PLPPR1: variants seen among roughly 807,000 people sequenced by gnomAD.
PLPPR1 encodes the protein phospholipid phosphatase related 1.
In PLPPR1, 10 loss-of-function variants were observed where a neutral mutation model predicts 33.1. That is an observed-to-expected ratio of 0.30 (90% CI 0.19 to 0.51). The LOEUF is 0.51. Among genes scored for constraint, PLPPR1 ranks in the 20% least tolerant of loss-of-function variants. PLPPR1 has a pLI of 0.97. For synonymous variants in PLPPR1, 151 were observed against 151.0 expected (o/e 1.00, Z 0.00); for missense variants, 304 against 408.1 (o/e 0.74, Z 2.20).
chr9:101,224,467 A>G lies in PLPPR1; in HGVS notation c.63+38910A>G, dbSNP rs906760564. Among the ~76,000 whole-genome samples, 5 of 152,172 alleles carry G rather than the reference A, an allele frequency of 3.3e-5. No individual in the cohort carries two copies. In the South Asian group the frequency reaches 1.0e-3, roughly 32 times the overall value. On this transcript the variant is annotated intron_variant, in intron 2 of 7. Transcript: ENST00000374874. ...CGGCTGCTGTCATTGAGTCTTTCAC[A>G]GAGTGTTTTATTCCTTCCTTATAAA...
chr9:101,080,819 T>C (rs895484598), intron 1 of PLPPR1, among the ~76,000 whole-genome samples: 4 of 152,160 alleles, frequency 2.6e-5, no homozygotes, highest in African/African-American at 9.7e-5. Flanking sequence ...TTCCTGAGAA[T>C]AGAGCTCCAG....
chr9:101,310,238 C>T (rs1346232980), intron 5 of PLPPR1, among the ~76,000 whole-genome samples: 1 of 152,102 alleles, frequency 6.6e-6, no homozygotes, highest in African/African-American at 2.4e-5. Flanking sequence ...TCTTAGGACC[C>T]AGAATATAGA....
intron 1 of PLPPR1, among the ~76,000 whole-genome samples, chr9:101,046,121 C>T (rs971155336): frequency 1.3e-5 from 2 of 152,162 alleles, no homozygotes; most frequent in African/African-American, 4.8e-5. Flanking sequence ...CATTGAGGCC[C>T]TACTAAACAC....
At chr9:101,278,026 C>T (rs1211856599) in intron 3 of PLPPR1, among the ~76,000 whole-genome samples, 2 of 152,100 alleles carry the variant, frequency 1.3e-5, no homozygotes, top group African/African-American at 4.8e-5. Flanking sequence ...CTCCAAAGCC[C>T]GCATTCAGGA....
chr9:101,320,264 G>A (rs939226932), intron 7 of PLPPR1, among the ~76,000 whole-genome samples: 1 of 152,154 alleles, frequency 6.6e-6, no homozygotes, highest in African/African-American at 2.4e-5. Context: ...TGGGCCAAAG[G>A]ACCCTCCAGA....
intron 1 of PLPPR1, among the ~76,000 whole-genome samples, chr9:101,177,119 A>AT (rs1826030310): frequency 6.6e-6 from 1 of 152,128 alleles, no homozygotes. Flanking sequence ...TTCCATGGGA[A>AT]TTTTAGGATT....
At chr9:101,178,140 G>GACCTGCGGATA (rs1366139835) in intron 1 of PLPPR1, among the ~76,000 whole-genome samples, 1 of 152,174 alleles carries the variant, frequency 6.6e-6, no homozygotes, top group Non-Finnish European at 1.5e-5. Context: ...AATGACCTAT[G>GACCTGCGGATA]ACCTGTGGAT....
In PLPPR1 at chr9:101,107,935, C is replaced by G. The variant is rs555649437; in HGVS notation, c.-45-77515C>G. 3.5e-3 allele frequency among the ~76,000 whole-genome samples: 534 copies of G among 151,068 alleles called. 16 individuals are homozygous for G. Among genetic ancestry groups the G allele is most frequent in the African/African-American group, 0.012 (502 of 40,688 alleles). ...TTCCAGGTGCGTTCGTCACCCCTTTCTTTGACTCGGAAAGGGAACTCCCTG... is the reference window on the plus strand; with the variant it reads ...TTCCAGGTGCGTTCGTCACCCCTTTGTTTGACTCGGAAAGGGAACTCCCTG... On this transcript the variant is annotated intron_variant, in intron 1 of 7. Coordinates refer to ENST00000374874, the MANE Select transcript of PLPPR1 (RefSeq NM_207299.2).
intron 1 of PLPPR1, among the ~76,000 whole-genome samples, chr9:101,086,756 A>G (rs1830681692): frequency 6.6e-6 from 1 of 152,224 alleles, no homozygotes. Flanking sequence ...CCACAAATCC[A>G]TAAGCAGGTT....
At chr9:101,137,865 C>T (rs1394661687) in intron 1 of PLPPR1, among the ~76,000 whole-genome samples, 1 of 152,168 alleles carries the variant, frequency 6.6e-6, no homozygotes, top group African/African-American at 2.4e-5. Context: ...TACTGTCATA[C>T]CCACTGTGTA....
chr9:101,262,483 G>T (rs181765584), intron 2 of PLPPR1, among the ~76,000 whole-genome samples: 1 of 152,230 alleles, frequency 6.6e-6, no homozygotes, highest in African/African-American at 2.4e-5. Flanking sequence ...CTCATATTAA[G>T]AACAGTATCA....
chr9:101,068,969 T>C (rs1830451262), intron 1 of PLPPR1, among the ~76,000 whole-genome samples: 2 of 152,060 alleles, frequency 1.3e-5, no homozygotes, highest in Admixed American at 1.3e-4. Flanking sequence ...AACAGTGACT[T>C]CTGCTTAGGG....
At chr9:101,202,403 G>A (rs1006877355) in intron 2 of PLPPR1, among the ~76,000 whole-genome samples, 1 of 152,140 alleles carries the variant, frequency 6.6e-6, no homozygotes, top group Non-Finnish European at 1.5e-5. Flanking sequence ...TACCTATGTG[G>A]TTGCATATTT....
intron 1 of PLPPR1, among the ~76,000 whole-genome samples, chr9:101,043,403 ATATG>A (rs1830106603): frequency 6.6e-6 from 1 of 151,438 alleles, no homozygotes; most frequent in African/African-American, 2.4e-5. Flanking sequence ...ACATATATAC[ATATG>A]TATGTGTGTA....
Position 101,133,111 on chromosome 9 carries a change from T to C in PLPPR1, c.-45-52339T>C, listed in dbSNP as rs1287481073. Among the ~76,000 whole-genome samples the C allele has an allele frequency of 2.6e-5, 4 of 152,148 alleles. No homozygotes were observed. The South Asian group carries it at 8.3e-4, about 32-fold the overall frequency. ...AGTAACAGTCTTAGGAATAAAATGATTTTTTTCTTTCTTTTTCCATATATA... is the reference window on the plus strand; with the variant it reads ...AGTAACAGTCTTAGGAATAAAATGACTTTTTTCTTTCTTTTTCCATATATA... On this transcript the variant is annotated intron_variant, in intron 1 of 7. Transcript: ENST00000374874.
intron 1 of PLPPR1, among the ~76,000 whole-genome samples, chr9:101,160,999 TTG>T (rs1831765614): frequency 6.6e-6 from 1 of 152,200 alleles, no homozygotes; most frequent in African/African-American, 2.4e-5. Context: ...TCAAGATCAC[TTG>T]TGCTTCAATG....
intron 1 of PLPPR1, among the ~76,000 whole-genome samples, chr9:101,037,637 C>T (rs1016849072): frequency 6.6e-6 from 1 of 152,164 alleles, no homozygotes; most frequent in Non-Finnish European, 1.5e-5. Flanking sequence ...CATCTCCCAG[C>T]CTTTGCTAGC....
At chr9:101,141,244 A>G (rs1831448038) in intron 1 of PLPPR1, among the ~76,000 whole-genome samples, 1 of 152,160 alleles carries the variant, frequency 6.6e-6, no homozygotes, top group Non-Finnish European at 1.5e-5. Context: ...CTGTGAAAGT[A>G]TTGGCTATGT....
chr9:101,324,087 A>T lies in PLPPR1; in HGVS notation c.*30A>T. 6.3e-7 allele frequency: 1 copy of T among 1,593,514 alleles called. No homozygotes were observed. Among genetic ancestry groups the T allele is most frequent in the Non-Finnish European group, 8.6e-7 (1 of 1,162,210 alleles). Reference sequence around the variant, plus strand: ...ACTGATGTGTCACAAGCTGTTTTTTAAAATCATCTTCCAATTCTATACTTC... The same window carrying T: ...ACTGATGTGTCACAAGCTGTTTTTTTAAATCATCTTCCAATTCTATACTTC... On this transcript the variant is annotated 3_prime_UTR_variant, in exon 8 of 8. Transcript: ENST00000374874.
Sources: allele counts gnomAD v4.1 joint callset (sites outside exome capture counted in the v4.1 genomes callset), GRCh38; gene constraint gnomAD v4.1.1; transcripts MANE v1.5; gene names NCBI Gene and HGNC (gene_info 2026-07-23, HGNC 2026-07-21).